The following ANKRD6 variants were observed in gnomAD, a reference collection of about 807,000 sequenced individuals.
ANKRD6 encodes the protein ankyrin repeat domain 6.
Under a neutral mutation model 82.3 loss-of-function variants are expected in ANKRD6, and 56 were observed. The observed-to-expected ratio is 0.68, with a 90% CI of 0.55 to 0.85. ANKRD6 has a LOEUF of 0.85. Among genes scored for constraint, ANKRD6 ranks in the 40% least tolerant of loss-of-function variants. The pLI is 0.00. For synonymous variants in ANKRD6, 347 were observed against 352.1 expected, an observed-to-expected ratio of 0.99 and a Z score of 0.16; for missense variants, 852 against 907.6, an observed-to-expected ratio of 0.94 and a Z score of 0.79.
At chr6:89,573,014 G>A (rs987574709) in intron 2 of ANKRD6, among the ~76,000 whole-genome samples, 10 of 152,130 alleles carry the variant, frequency 6.6e-5, no homozygotes, top group Non-Finnish European at 1.3e-4. Flanking sequence ...AGGCTGGAGT[G>A]CAGTGGTGTG....
chr6:89,550,695 C>T (rs1301737238), intron 1 of ANKRD6, among the ~76,000 whole-genome samples: 1 of 152,072 alleles, frequency 6.6e-6, no homozygotes, highest in Admixed American at 6.5e-5. Flanking sequence ...GTGTCTCACA[C>T]CTGTAATCCC....
At chr6:89,609,486 G>C (rs1563048778) in intron 5 of ANKRD6, among the ~76,000 whole-genome samples, 1 of 152,032 alleles carries the variant, frequency 6.6e-6, no homozygotes, top group Non-Finnish European at 1.5e-5. Context: ...ATTTTTAGTA[G>C]AGACAGCGTT....
intron 9 of ANKRD6, 144 bp downstream of exon 9, chr6:89,618,175 G>T: frequency 1.1e-6 from 1 of 896,522 alleles, no homozygotes. Context: ...CATGCATGGG[G>T]GCCCAGGATG....
At chr6:89,593,663 A>G (rs2128146321) in intron 2 of ANKRD6, among the ~76,000 whole-genome samples, 1 of 152,314 alleles carries the variant, frequency 6.6e-6, no homozygotes, top group African/African-American at 2.4e-5. Context: ...TCTTGAAATC[A>G]TTAATGTGTA....
At chr6:89,555,088 TC>T (rs1334069823) in intron 1 of ANKRD6, among the ~76,000 whole-genome samples, 1 of 81,854 alleles carries the variant, frequency 1.2e-5, no homozygotes, top group African/African-American at 5.1e-5. Context: ...CTCTCCTCCC[TC>T]CCCCCTCTCT....
Position 89,577,095 on chromosome 6 carries a change from C to T in ANKRD6, c.120+9999C>T, listed in dbSNP as rs1420307829. Among the ~76,000 whole-genome samples the T allele has an allele frequency of 2.0e-5, 3 of 152,044 alleles. No homozygotes were observed. In the East Asian group the frequency reaches 5.8e-4, roughly 30 times the overall value. Reference sequence around the variant, plus strand: ...ATGTGCAGAATCCACAGGTTCAAATCGAAGTGCCCACACTGGAAGCTGCAG... The same window carrying T: ...ATGTGCAGAATCCACAGGTTCAAATTGAAGTGCCCACACTGGAAGCTGCAG... On this transcript the variant is annotated intron_variant, in intron 2 of 15. Coordinates refer to ENST00000339746, the MANE Select transcript of ANKRD6 (RefSeq NM_001242809.2).
At chr6:89,550,805 A>T (rs929758831) in intron 1 of ANKRD6, among the ~76,000 whole-genome samples, 1 of 152,110 alleles carries the variant, frequency 6.6e-6, no homozygotes, top group Admixed American at 6.6e-5. Flanking sequence ...AAAATTCAAA[A>T]ATTAGCAGGG....
At chr6:89,620,667 T>C (rs1802881370) in intron 9 of ANKRD6, among the ~76,000 whole-genome samples, 1 of 152,148 alleles carries the variant, frequency 6.6e-6, no homozygotes, top group South Asian at 2.1e-4. Flanking sequence ...TGAAGGCAGG[T>C]AGGGAAGCAC....
At chr6:89,440,930 A>G (rs1032930880) in intron 1 of ANKRD6, among the ~76,000 whole-genome samples, 2 of 152,146 alleles carry the variant, frequency 1.3e-5, no homozygotes, top group Non-Finnish European at 2.9e-5. Flanking sequence ...GCTATGGCAG[A>G]GTTGAGTAGT....
intron 5 of ANKRD6, among the ~76,000 whole-genome samples, chr6:89,609,057 C>T (rs912071022): frequency 2.0e-5 from 3 of 152,224 alleles, no homozygotes; most frequent in African/African-American, 7.2e-5. Context: ...GGCCCTCTCC[C>T]TCCCCGAAGA....
At chr6:89,498,523 TA>T (rs1331905861) in intron 1 of ANKRD6, among the ~76,000 whole-genome samples, 9 of 139,190 alleles carry the variant, frequency 6.5e-5, no homozygotes, top group African/African-American at 2.0e-4. Context: ...TTTATATATA[TA>T]TATTTTTTTT....
At chr6:89,442,889 G>A (rs1771599649) in intron 1 of ANKRD6, among the ~76,000 whole-genome samples, 2 of 152,156 alleles carry the variant, frequency 1.3e-5, no homozygotes, top group Admixed American at 1.3e-4. Flanking sequence ...TTTAAAAGAT[G>A]CTGGACTCTC....
intron 1 of ANKRD6, among the ~76,000 whole-genome samples, chr6:89,449,211 G>A (rs944787399): frequency 1.3e-5 from 2 of 152,072 alleles, no homozygotes; most frequent in South Asian, 2.1e-4. Context: ...ACATTAACAG[G>A]GTTCTGAAGA....
intron 1 of ANKRD6, among the ~76,000 whole-genome samples, chr6:89,560,482 A>G (rs1192840463): frequency 1.3e-5 from 2 of 152,224 alleles, no homozygotes; most frequent in Non-Finnish European, 2.9e-5. Context: ...GGGCTTCAAC[A>G]TATGAATTGG....
chr6:89,441,829 A>T lies in ANKRD6; in HGVS notation c.-144+8454A>T, dbSNP rs371571810. 2.0e-5 allele frequency among the ~76,000 whole-genome samples: 3 copies of T among 149,574 alleles called. No individual in the cohort carries two copies. The East Asian group carries it at 6.1e-4, about 30-fold the overall frequency. ...GTATTTTTAGTAGAGATGGGGTTTCACCATGTTGGTCAGGCTGGTCTTGAA... is the reference window on the plus strand; with the variant it reads ...GTATTTTTAGTAGAGATGGGGTTTCTCCATGTTGGTCAGGCTGGTCTTGAA... On this transcript the variant is annotated intron_variant, in intron 1 of 15. Coordinates refer to ENST00000339746, the MANE Select transcript of ANKRD6 (RefSeq NM_001242809.2).
intron 1 of ANKRD6, among the ~76,000 whole-genome samples, chr6:89,480,959 A>AAAT (rs1216085201): frequency 0.034 from 5,033 of 147,634 alleles, 176 homozygotes; most frequent in South Asian, 0.1. Flanking sequence ...AAAAAAATAG[A>AAAT]AGAAGAAGAA....
rs1563136961 is a variant in ANKRD6, at chr6:89,623,973, G to A, written c.1134G>A (p.Arg378=). 2 of 1,613,810 alleles carry A rather than the reference G, an allele frequency of 1.2e-6. No homozygotes were observed. The highest frequency in any genetic ancestry group is 1.7e-6 in the Non-Finnish European group (2 of 1,179,820). The change falls in exon 12 of 16, where the codon CGG becomes CGA. Residue 378 remains arginine (R), a synonymous_variant. Transcript: ENST00000339746. ...HNHPKKRNRH[R]CSSPPPPHEF... ...ACCCTAAAAAGAGGAACAGGCATCG[G>A]TGTTCATCCCCACCCCCACCCCATG...
chr6:89,447,875 T>G (rs959493165), intron 1 of ANKRD6, among the ~76,000 whole-genome samples: 2 of 149,860 alleles, frequency 1.3e-5, no homozygotes, highest in Non-Finnish European at 3.0e-5. Context: ...TCAGTAGAGA[T>G]GGGGTTTCTC....
chr6:89,556,313 T>C (rs1786593223), intron 1 of ANKRD6, among the ~76,000 whole-genome samples: 1 of 152,254 alleles, frequency 6.6e-6, no homozygotes, highest in Admixed American at 6.5e-5. Context: ...ACAGAGAATT[T>C]AACCACCATG....
Sources: allele counts gnomAD v4.1 joint callset (sites outside exome capture counted in the v4.1 genomes callset), GRCh38; gene constraint gnomAD v4.1.1; transcripts MANE v1.5; gene names NCBI Gene and HGNC (gene_info 2026-07-23, HGNC 2026-07-21).